HMGCS1: variants seen among roughly 807,000 people sequenced by gnomAD.
HMGCS1 encodes the protein 3-hydroxy-3-methylglutaryl-CoA synthase 1, also known as hydroxymethylglutaryl-CoA synthase, cytoplasmic.
HMGCS1 carries 9 observed loss-of-function variants against 52.3 expected under a neutral mutation model. The ratio of observed to expected loss-of-function variants is 0.17; its 90% confidence interval spans 0.10 to 0.30. The LOEUF (loss-of-function observed/expected upper bound fraction) is 0.30. HMGCS1 is among the 10% of genes least tolerant of loss of function. The pLI, the probability that HMGCS1 is intolerant of heterozygous loss-of-function variation, is 1.00. For synonymous variants in HMGCS1, 176 were observed against 214.4 expected, an observed-to-expected ratio of 0.82 and a Z score of 1.57; for missense variants, 320 against 620.9, an observed-to-expected ratio of 0.52 and a Z score of 5.15.
chr5:43,292,673 T>C (rs751295681), intron 9 of HMGCS1, 36 bp from the exon 10 acceptor site: 1 of 1,567,976 alleles, frequency 6.4e-7, no homozygotes, highest in Non-Finnish European at 8.8e-7. Flanking sequence ...CAATTAGTTA[T>C]GATATACAAT....
intron 2 of HMGCS1, among the ~76,000 whole-genome samples, chr5:43,304,127 A>T (rs1387097668): frequency 6.6e-6 from 1 of 152,246 alleles, no homozygotes; most frequent in Non-Finnish European, 1.5e-5. Context: ...AAGATACTGG[A>T]TAGTCCACAA....
At position 43,289,713 on chromosome 5, in the gene HMGCS1, A is replaced by C. The variant is rs1252573359; in HGVS notation, c.*1418T>G. ...GTACAAATCAAAATACTACTAGTTA[A>C]TATTAGACAAGAGTATCTTACAAAC... is the stretch of plus-strand genomic sequence containing the variant. On this transcript the variant is annotated 3_prime_UTR_variant, in exon 11 of 11. Coordinates refer to ENST00000325110, the MANE Select transcript of HMGCS1 (RefSeq NM_001098272.3). The C allele has an allele frequency of 6.6e-6, 1 of 152,656 alleles. No individual in the cohort carries two copies. The highest frequency in any genetic ancestry group is 1.5e-5 in the Non-Finnish European group (1 of 68,032). 9.5% of individuals were successfully genotyped at this position (152,656 alleles called of 1,614,324 possible).
At position 43,291,051 on chromosome 5, in the gene HMGCS1, G is replaced by A; in HGVS notation, c.*80C>T. 1 of 815,246 alleles carries A rather than the reference G, an allele frequency of 1.2e-6. No homozygotes were observed. The highest frequency in any genetic ancestry group is 2.1e-6 in the Non-Finnish European group (1 of 465,950). 50.5% of individuals were successfully genotyped at this position (815,246 alleles called of 1,614,324 possible). ...ATGTAATCCTTTAAAATTATCCCCA[G>A]ATATCCCATTCCTCCAACTGTTCCC... On this transcript the variant is annotated 3_prime_UTR_variant, in exon 11 of 11. Coordinates refer to ENST00000325110, the MANE Select transcript of HMGCS1 (RefSeq NM_001098272.3).
intron 8 of HMGCS1, 106 bp downstream of exon 8, chr5:43,293,950 G>C (rs1199148515): frequency 1.4e-6 from 1 of 708,774 alleles, no homozygotes; most frequent in Non-Finnish European, 2.6e-6. Context: ...CCTGACCTCA[G>C]GTGATCTGCC....
At chr5:43,295,287 AAGGACACACAAGAG>A (rs1354164501) in intron 6 of HMGCS1, among the ~76,000 whole-genome samples, 1 of 152,200 alleles carries the variant, frequency 6.6e-6, no homozygotes. Context: ...CAGATAGAGA[AAGGACACACAAGAG>A]ACACAGGGAG....
chr5:43,292,917 A>C lies in HMGCS1; in HGVS notation c.1240T>G (p.Ser414Ala), dbSNP rs774163663. ...ACATCTGGTGCCACACCAGTTCTTG[A>C]ATCAAGCCTTGATTTAAGATCACAT... ...SLCDLKSRLD[S>A]RTGVAPDVFA... Residue 414 changes from serine to alanine, a missense_variant, in exon 9 of 11, where the codon TCA becomes GCA. Around this residue, in one of 3 missense-constraint regions of HMGCS1, gnomAD observed 213 missense variants for 337.4 expected, o/e 0.63. Coordinates refer to ENST00000325110, the MANE Select transcript of HMGCS1 (RefSeq NM_001098272.3). 1.2e-6 allele frequency: 2 copies of C among 1,610,210 alleles called. No individual in the cohort carries two copies.
At chr5:43,302,478 CCTT>C (rs1403838872) in intron 2 of HMGCS1, among the ~76,000 whole-genome samples, 3 of 152,200 alleles carry the variant, frequency 2.0e-5, no homozygotes, top group African/African-American at 7.2e-5. Flanking sequence ...TCTTGCCTAT[CCTT>C]CTACATCATC....
At chr5:43,299,593 T>C (rs1754207158) in intron 2 of HMGCS1, among the ~76,000 whole-genome samples, 1 of 150,920 alleles carries the variant, frequency 6.6e-6, no homozygotes, top group African/African-American at 2.4e-5. Flanking sequence ...GAGCTTGCAG[T>C]GAGCAGAGAT....
intron 7 of HMGCS1, 140 bp downstream of exon 7, chr5:43,294,551 A>T (rs1450447001): frequency 3.5e-6 from 2 of 569,572 alleles, no homozygotes; most frequent in African/African-American, 3.8e-5. Context: ...TTTCAAGTCA[A>T]TGGACAATAG....
Position 43,289,247 on chromosome 5 carries a change from T to C in HMGCS1, c.*1884A>G, listed in dbSNP as rs1354559878. ...CCTTAAACAGAGCACCTTGCTTATA[T>C]TAGGATTTCAAATGTTTGTGAAATG... is the stretch of plus-strand genomic sequence containing the variant. On this transcript the variant is annotated 3_prime_UTR_variant, in exon 11 of 11. Coordinates refer to ENST00000325110, the MANE Select transcript of HMGCS1 (RefSeq NM_001098272.3). 1 of 152,374 alleles carries C rather than the reference T, an allele frequency of 6.6e-6. No homozygotes were observed. The highest frequency in any genetic ancestry group is 1.5e-5 in the Non-Finnish European group (1 of 68,044). The allele number at this position is 152,374 out of a possible 1,614,324, so 9.4% of individuals were successfully genotyped here.
chr5:43,293,329 G>A (rs1753871626), intron 8 of HMGCS1, among the ~76,000 whole-genome samples: 1 of 152,162 alleles, frequency 6.6e-6, no homozygotes, highest in Non-Finnish European at 1.5e-5. Flanking sequence ...CTGGCCTCAA[G>A]CAATCCTCCC....
At chr5:43,310,237 G>A (rs75955935) in intron 1 of HMGCS1, among the ~76,000 whole-genome samples, 1,897 of 152,292 alleles carry the variant, frequency 0.012, 45 homozygotes, top group African/African-American at 0.042. Context: ...TTACTGGTCT[G>A]CGTATCAGAG....
chr5:43,296,906 G>A, intron 5 of HMGCS1, 96 bp downstream of exon 5: 1 of 835,096 alleles, frequency 1.2e-6, no homozygotes, highest in Non-Finnish European at 1.9e-6. Context: ...GATATTAAAT[G>A]AAGAATGCCC....
intron 8 of HMGCS1, 38 bp from the exon 9 acceptor site, chr5:43,293,011 T>C (rs1753855078): frequency 1.3e-6 from 2 of 1,524,542 alleles, no homozygotes; most frequent in African/African-American, 1.4e-5. Flanking sequence ...AAGATTTTTT[T>C]GAAAAATCAT....
At chr5:43,301,770 C>T (rs554135551) in intron 2 of HMGCS1, among the ~76,000 whole-genome samples, 100 of 152,168 alleles carry the variant, frequency 6.6e-4, no homozygotes, top group African/African-American at 2.1e-3. Context: ...ACATGTGGAG[C>T]GAAGAGGAAC....
intron 2 of HMGCS1, among the ~76,000 whole-genome samples, chr5:43,305,800 A>AT (rs1395891845): frequency 7.0e-6 from 1 of 141,898 alleles, no homozygotes. Context: ...AAAAAAAAAA[A>AT]TTTAAAAAAT....
chr5:43,309,432 G>A (rs1754750596), intron 1 of HMGCS1, among the ~76,000 whole-genome samples: 1 of 152,018 alleles, frequency 6.6e-6, no homozygotes, highest in Admixed American at 6.5e-5. Flanking sequence ...TAGAGATGGG[G>A]TTTTGCCATC....
intron 2 of HMGCS1, among the ~76,000 whole-genome samples, chr5:43,302,484 ACAT>A (rs1159227534): frequency 1.3e-5 from 2 of 152,318 alleles, no homozygotes; most frequent in African/African-American, 2.4e-5. Context: ...CTATCCTTCT[ACAT>A]CATCATACTT....
rs942651146 is a variant in HMGCS1 at position 43,290,817 on chromosome 5, A to G, written c.*314T>C. ...TGCTTTCTTCTGACAGAAGTACACA[A>G]TTCATTATACCATGTTTAAAAACCA... On this transcript the variant is annotated 3_prime_UTR_variant, in exon 11 of 11. Transcript: ENST00000325110. 1.7e-5 allele frequency: 4 copies of G among 235,380 alleles called. No homozygotes were observed. Among genetic ancestry groups the G allele is most frequent in the South Asian group, 3.0e-4 (2 of 6,600 alleles). 14.6% of individuals were successfully genotyped at this position (235,380 alleles called of 1,614,324 possible).
Sources: allele counts gnomAD v4.1 joint callset (sites outside exome capture counted in the v4.1 genomes callset), GRCh38; gene constraint gnomAD v4.1.1; regional missense constraint gnomAD v4.1.1; transcripts MANE v1.5; gene names NCBI Gene and HGNC (gene_info 2026-07-23, HGNC 2026-07-21).